Variants in FER observed in about 807,000 individuals in gnomAD.
The protein encoded by FER is FER tyrosine kinase, also known as tyrosine-protein kinase Fer.
A neutral mutation model predicts 111.0 loss-of-function variants in FER; 63 were observed. That is an observed-to-expected ratio of 0.57 (90% CI 0.46 to 0.70). The LOEUF is 0.70. Ranked by LOEUF, FER falls within the 30% of genes least tolerant of loss-of-function variation. The probability of loss-of-function intolerance (pLI) is 0.00; values close to 1 mark genes in which losing one functional copy is unlikely to be tolerated. For synonymous variants in FER, 327 were observed against 313.9 expected, an observed-to-expected ratio of 1.04 and a Z score of -0.44; for missense variants, 914 against 954.0, an observed-to-expected ratio of 0.96 and a Z score of 0.55.
intron 3 of FER, chr5:108,820,106 G>A: frequency 1.0e-5 from 10 of 985,172 alleles, no homozygotes; most frequent in Non-Finnish European, 1.2e-5. Context: ...AAATCTCCCA[G>A]AATCCTAACT....
At chr5:108,748,728 C>T (rs1750057952) in intron 1 of FER, 1 of 152,316 alleles carries the variant, frequency 6.6e-6, no homozygotes, top group Non-Finnish European at 1.5e-5. Flanking sequence ...GCCTAGGGCC[C>T]AAGTCCTGCC....
At position 109,186,290 on chromosome 5, in the gene FER, C is replaced by G; in HGVS notation, c.2294C>G (p.Thr765Arg). 6.2e-7 allele frequency: 1 copy of G among 1,614,072 alleles called. No individual in the cohort carries two copies. Among genetic ancestry groups the G allele is most frequent in the Non-Finnish European group, 8.5e-7 (1 of 1,179,982 alleles). Residue 765 changes from threonine to arginine, a missense_variant, in exon 19 of 20, where the codon ACA becomes AGA. Thr to Arg is a moderately conservative substitution (Grantham distance 71). Coordinates refer to ENST00000281092, the MANE Select transcript of FER (RefSeq NM_005246.4). ...SLGVCPYPGM[T>R]NQQAREQVER... is the part of the protein sequence containing the mutation. ...GGGGTTTGTCCGTACCCTGGAATGA[C>G]AAATCAGCAAGCAAGAGAGCAAGTA...
At chr5:108,994,612 T>C (rs552540515) in intron 13 of FER, among the ~76,000 whole-genome samples, 1 of 152,342 alleles carries the variant, frequency 6.6e-6, no homozygotes. Flanking sequence ...TGGTTCTATA[T>C]GAATTTTAAA....
At chr5:109,136,392 T>C (rs946660946) in intron 17 of FER, among the ~76,000 whole-genome samples, 3 of 152,190 alleles carry the variant, frequency 2.0e-5, no homozygotes, top group African/African-American at 4.8e-5. Flanking sequence ...AATACATATA[T>C]AAAAAATCGT....
At chr5:109,031,842 T>C (rs939905944) in intron 13 of FER, among the ~76,000 whole-genome samples, 22 of 152,204 alleles carry the variant, frequency 1.4e-4, no homozygotes, top group African/African-American at 4.8e-4. Flanking sequence ...CTGAAATCCT[T>C]TGTCATCACT....
At position 109,043,754 on chromosome 5, in the gene FER, C is replaced by T. The variant is rs145402204; in HGVS notation, c.1714-926C>T. Among the ~76,000 whole-genome samples, 90 of 152,224 alleles carry T rather than the reference C, an allele frequency of 5.9e-4. No homozygotes were observed. In the East Asian group the frequency reaches 6.4e-3, roughly 11 times the overall value. On this transcript the variant is annotated intron_variant, in intron 14 of 19. Transcript: ENST00000281092. ...TTGGAAGGCCAAGGCAGGCGGATCA[C>T]GAGGTCAAGAGATCGAGACCATCCT...
At chr5:109,004,390 A>G (rs960101457) in intron 13 of FER, among the ~76,000 whole-genome samples, 18 of 152,174 alleles carry the variant, frequency 1.2e-4, no homozygotes. Flanking sequence ...ATTTCTAGGA[A>G]TGTATTATAA....
chr5:108,879,701 A>AAAAATATATATATAT, intron 8 of FER, among the ~76,000 whole-genome samples: 36 of 99,094 alleles, frequency 3.6e-4, no homozygotes, highest in African/African-American at 9.6e-4. Flanking sequence ...ATTAAAAAAA[A>AAAAATATATATATAT]ATATATATAT....
At chr5:109,039,478 A>G (rs1770856599) in intron 14 of FER, among the ~76,000 whole-genome samples, 1 of 152,130 alleles carries the variant, frequency 6.6e-6, no homozygotes, top group African/African-American at 2.4e-5. Flanking sequence ...TAAATTTTAT[A>G]ATGTTAGAGG....
intron 10 of FER, among the ~76,000 whole-genome samples, chr5:108,900,158 AAATT>A (rs1749800367): frequency 6.6e-6 from 1 of 152,248 alleles, no homozygotes. Flanking sequence ...TTAAAGCAAT[AAATT>A]AATATTTTAC....
chr5:109,180,963 C>A, intron 18 of FER, 62 bp downstream of exon 18: 1 of 1,417,264 alleles, frequency 7.1e-7, no homozygotes. Flanking sequence ...ATAAAACATT[C>A]ACAAGCAATA....
chr5:108,944,108 T>TAC (rs34138754), intron 10 of FER, among the ~76,000 whole-genome samples: 12,276 of 145,652 alleles, frequency 0.084, 583 homozygotes, highest in African/African-American at 0.14. Context: ...TGTGTATGTG[T>TAC]ACACACACAC....
At chr5:108,810,858 C>T (rs1018461311) in intron 3 of FER, among the ~76,000 whole-genome samples, 5 of 152,108 alleles carry the variant, frequency 3.3e-5, no homozygotes, top group Non-Finnish European at 7.4e-5. Context: ...CCCTCCTTTA[C>T]CTGTATCTTT....
chr5:108,938,366 G>A (rs868116611), intron 10 of FER, among the ~76,000 whole-genome samples: 50 of 152,000 alleles, frequency 3.3e-4, no homozygotes, highest in African/African-American at 1.2e-3. Flanking sequence ...AGTTGTTTTA[G>A]ACATAGAAAA....
chr5:109,113,248 C>T (rs936745321), intron 17 of FER, among the ~76,000 whole-genome samples: 2 of 152,100 alleles, frequency 1.3e-5, no homozygotes, highest in Non-Finnish European at 2.9e-5. Context: ...CCTGCCTGAT[C>T]TTGATCTGTC....
chr5:109,098,768 G>A (rs866020954), intron 16 of FER, among the ~76,000 whole-genome samples: 11 of 151,428 alleles, frequency 7.3e-5, no homozygotes, highest in Non-Finnish European at 1.3e-4. Flanking sequence ...TAATATATTT[G>A]GTATTCTCTT....
chr5:109,076,769 T>C (rs187793203), intron 16 of FER, among the ~76,000 whole-genome samples: 209 of 152,316 alleles, frequency 1.4e-3, no homozygotes, highest in Non-Finnish European at 2.6e-3. Flanking sequence ...AAGTCTGGGT[T>C]AGGTTCCCTG....
At chr5:108,966,863 A>G (rs1759919919) in intron 13 of FER, among the ~76,000 whole-genome samples, 1 of 152,194 alleles carries the variant, frequency 6.6e-6, no homozygotes. Flanking sequence ...AAAGAGTAAC[A>G]TACACAGTAA....
chr5:109,181,130 A>G (rs76640315), intron 18 of FER, among the ~76,000 whole-genome samples: 3,604 of 152,282 alleles, frequency 0.024, 71 homozygotes, highest in East Asian at 0.075. Flanking sequence ...AAATATGACT[A>G]TACATCTGAG....
Sources: allele counts gnomAD v4.1 joint callset (sites outside exome capture counted in the v4.1 genomes callset), GRCh38; gene constraint gnomAD v4.1.1; transcripts MANE v1.5; gene names NCBI Gene and HGNC (gene_info 2026-07-23, HGNC 2026-07-21).